COL5A3: variants seen among roughly 807,000 people sequenced by gnomAD.
COL5A3 encodes the protein collagen alpha-3(V) chain.
COL5A3 carries 172 observed loss-of-function variants against 250.0 expected under a neutral mutation model. The ratio of observed to expected loss-of-function variants is 0.69; its 90% CI spans 0.61 to 0.78. The LOEUF is 0.78. Ranked by LOEUF, COL5A3 falls within the 30% of genes least tolerant of loss-of-function variation. The pLI is 0.00. For synonymous variants in COL5A3, 937 were observed against 900.4 expected, an observed-to-expected ratio of 1.04 and a Z score of -0.73; for missense variants, 2,340 against 2,334.4, an observed-to-expected ratio of 1.00 and a Z score of -0.05.
chr19:10,001,462 T>A (rs934884941), intron 8 of COL5A3, 62 bp downstream of exon 8: 212 of 1,542,966 alleles, frequency 1.4e-4, no homozygotes, highest in Admixed American at 1.6e-4. Context: ...AAATAAATTT[T>A]AAAAAAATTT....
chr19:9,966,056 TC>T (rs1283511267), intron 64 of COL5A3, among the ~76,000 whole-genome samples: 4 of 152,124 alleles, frequency 2.6e-5, no homozygotes, highest in Admixed American at 2.0e-4. Context: ...GGTCTCGAAC[TC>T]CTGACCTCAA....
At chr19:9,978,671 TC>T in intron 40 of COL5A3, 44 bp from the exon 41 acceptor site, 2 of 1,350,892 alleles carry the variant, frequency 1.5e-6, no homozygotes, top group Non-Finnish European at 1.0e-6. Flanking sequence ...CCCAAAGGTG[TC>T]CCCAGGTCCT....
chr19:9,985,988 A>C (rs1310387828), intron 30 of COL5A3, 93 bp from the exon 31 acceptor site: 1 of 1,103,344 alleles, frequency 9.1e-7, no homozygotes, highest in Non-Finnish European at 1.4e-6. Context: ...GAATGGGCTA[A>C]TGGGATGGGA....
chr19:9,986,676 G>T, intron 28 of COL5A3, 38 bp downstream of exon 28: 1 of 1,613,586 alleles, frequency 6.2e-7, no homozygotes, highest in South Asian at 1.1e-5. Context: ...CCCATGATTG[G>T]GACTCCCTCT....
At position 9,996,481 on chromosome 19, in the gene COL5A3, TG is replaced by T; in HGVS notation, c.1373del (p.Pro458GlnfsTer20). 1 of 1,614,018 alleles carries T rather than the reference TG, an allele frequency of 6.2e-7. No individual in the cohort carries two copies. ...QFAGGSFKGP[P>X]VSFQQAQAQA... ...GAGCCTGGGCCTGCTGGAATGAGAC[TG>T]GGGGGCCTTTAAAGGAGCCGCCTGC... On this transcript the variant is annotated frameshift_variant, in exon 13 of 67. Transcript: ENST00000264828. LOFTEE classifies it high-confidence loss of function.
In COL5A3 at chr19:9,989,386, A is replaced by C; in HGVS notation, c.2047-20T>G. On this transcript the variant is annotated intron_variant, in intron 25 of 66. Transcript: ENST00000264828. ...GTGACCCTGGGGAAGAAACATTCTC[A>C]GTTGTCAGAGACCAAAACTTGCCAT... 1 of 1,614,088 alleles carries C rather than the reference A, an allele frequency of 6.2e-7. No individual in the cohort carries two copies. The highest frequency in any genetic ancestry group is 2.2e-5 in the East Asian group (1 of 44,878).
At chr19:10,010,091 C>A (rs973843168) in intron 1 of COL5A3, among the ~76,000 whole-genome samples, 1 of 152,058 alleles carries the variant, frequency 6.6e-6, no homozygotes, top group African/African-American at 2.4e-5. Flanking sequence ...CGCCAGAAAA[C>A]GCACTCACAC....
At chr19:9,960,991 C>G in intron 65 of COL5A3, 101 bp from the exon 66 acceptor site, 1 of 1,442,692 alleles carries the variant, frequency 6.9e-7, no homozygotes, top group Non-Finnish European at 9.4e-7. Context: ...CAAGCCACCC[C>G]CCCCATGTCA....
At position 9,970,741 on chromosome 19, in the gene COL5A3, C is replaced by T. The variant is rs919857206; in HGVS notation, c.3883-66G>A. On this transcript the variant is annotated intron_variant, in intron 53 of 66. Transcript: ENST00000264828. Reference sequence around the variant, plus strand: ...TTGTTTGAGCCTGACTGTTTTAGGACGCCTTGGACCAGAGGACACCCTTCC... The same window carrying T: ...TTGTTTGAGCCTGACTGTTTTAGGATGCCTTGGACCAGAGGACACCCTTCC... 2.5e-5 allele frequency: 32 copies of T among 1,296,422 alleles called. 1 individual carries two copies. The highest frequency in any genetic ancestry group is 5.8e-5 in the South Asian group (3 of 52,114). The allele number at this position is 1,296,422 out of a possible 1,614,324, so 80.3% of individuals were successfully genotyped here. A position where few individuals can be genotyped will look rare whatever the true frequency, so the allele number is the denominator to read the frequency against.
At position 9,964,854 on chromosome 19, in the gene COL5A3, TAAAAAAAAAAAAAAAAAAAAAAAAAAAA is replaced by T. The variant is rs57037583; in HGVS notation, c.4782+1432_4782+1459del. Among the ~76,000 whole-genome samples the T allele has an allele frequency of 4.7e-4, 23 of 49,010 alleles. 1 individual carries two copies. In the East Asian group the frequency reaches 5.2e-3, roughly 11 times the overall value. 32.2% of individuals were successfully genotyped at this position (49,010 alleles called of 152,430 possible). A position where few individuals can be genotyped will look rare whatever the true frequency, so the allele number is the denominator to read the frequency against. ...CAACGTAGTGAAACCCCATCTCTAC[TAAAAAAAAAAAAAAAAAAAAAAAAAAAA>T]AAAAAAAAAAAAAAAAATCAGCTGG... On this transcript the variant is annotated intron_variant, in intron 64 of 66. Coordinates refer to ENST00000264828, the MANE Select transcript of COL5A3 (RefSeq NM_015719.4).
At position 9,977,246 on chromosome 19, in the gene COL5A3, C is replaced by G. The variant is rs767650279; in HGVS notation, c.3271G>C (p.Gly1091Arg). 32 of 1,613,980 alleles carry G rather than the reference C, an allele frequency of 2.0e-5. No individual in the cohort carries two copies. The highest frequency in any genetic ancestry group is 1.9e-5 in the Non-Finnish European group (23 of 1,180,008). The part of the protein sequence containing the change: ...VGAPGHKGSK[G>R]DKGDAGPPGQ... ...TCACTCACCGCGTCTCCTTTATCGC[C>G]TTTACTCCCCTTGTGTCCGGGGGCA... Residue 1091 changes from glycine to arginine, a missense_variant, in exon 44 of 67, where the codon GGC becomes CGC. Physicochemically the swap from Gly to Arg is moderately radical, Grantham distance 125 (BLOSUM62 -2). Around this residue, in one of 3 missense-constraint regions of COL5A3, gnomAD observed 1,179 missense variants for 1,162.6 expected, o/e 1.01. Coordinates refer to ENST00000264828, the MANE Select transcript of COL5A3 (RefSeq NM_015719.4).
At chr19:10,000,284 C>A (rs946719322) in intron 8 of COL5A3, among the ~76,000 whole-genome samples, 1 of 151,922 alleles carries the variant, frequency 6.6e-6, no homozygotes, top group Non-Finnish European at 1.5e-5. Context: ...ACATCGAATG[C>A]GTATCCATCT....
chr19:10,007,456 A>G (rs1382741720), intron 1 of COL5A3, among the ~76,000 whole-genome samples: 1 of 152,224 alleles, frequency 6.6e-6, no homozygotes, highest in Non-Finnish European at 1.5e-5. Context: ...AGGCCATGCT[A>G]CCAGCCCCAC....
Position 9,996,485 on chromosome 19 carries a change from G to A in COL5A3, c.1370C>T (p.Pro457Leu), listed in dbSNP as rs2087274660. The change falls in exon 13 of 67, where the codon CCC (proline) becomes CTC (leucine). Residue 457 changes from proline (P) to leucine (L), a missense_variant. Pro to Leu is a moderately conservative substitution (Grantham distance 98). This residue lies in a region of COL5A3 where 1,152 missense variants were observed against 1,146.3 expected (regional missense o/e 1.00). Coordinates refer to ENST00000264828, the MANE Select transcript of COL5A3 (RefSeq NM_015719.4). ...CTGGGCCTGCTGGAATGAGACTGGG[G>A]GGCCTTTAAAGGAGCCGCCTGCAAA... ...FQFAGGSFKGPPVSFQQAQAQ... is the reference protein window; with the variant it reads ...FQFAGGSFKGLPVSFQQAQAQ... The A allele has an allele frequency of 6.2e-7, 1 of 1,614,112 alleles. No homozygotes were observed. Among genetic ancestry groups the A allele is most frequent in the Non-Finnish European group, 8.5e-7 (1 of 1,180,004 alleles).
chr19:9,965,179 G>A (rs1392281384), intron 64 of COL5A3, among the ~76,000 whole-genome samples: 1 of 137,622 alleles, frequency 7.3e-6, no homozygotes, highest in Non-Finnish European at 1.6e-5. Context: ...TTTTGAGATG[G>A]AGTCTCGCTC....
intron 45 of COL5A3, among the ~76,000 whole-genome samples, chr19:9,975,850 G>A (rs1004403741): frequency 5.3e-5 from 8 of 150,688 alleles, no homozygotes; most frequent in Admixed American, 3.3e-4. Flanking sequence ...AAATTCTAGG[G>A]TTGAGTTCAT....
intron 51 of COL5A3, among the ~76,000 whole-genome samples, chr19:9,971,556 T>TTCAC (rs2086847601): frequency 6.6e-6 from 1 of 152,022 alleles, no homozygotes; most frequent in South Asian, 2.1e-4. Context: ...TATTCATTCA[T>TTCAC]TCACTCATTC....
chr19:9,985,713 A>G, intron 31 of COL5A3, 129 bp downstream of exon 31: 1 of 834,932 alleles, frequency 1.2e-6, no homozygotes, highest in Non-Finnish European at 2.0e-6. Context: ...GCCAAAGCCC[A>G]CATTTTACAT....
chr19:9,968,023 C>G lies in COL5A3; in HGVS notation c.4368+3G>C. The G allele has an allele frequency of 6.3e-7, 1 of 1,591,622 alleles. No individual in the cohort carries two copies. The highest frequency in any genetic ancestry group is 8.5e-7 in the Non-Finnish European group (1 of 1,173,614). On this transcript the variant is annotated splice_donor_region_variant and intron_variant, in intron 60 of 66. Transcript: ENST00000264828. This position sits in a 1 kb window ranked among gnomAD's most constrained non-coding sequence, Gnocchi z 4.1. ...TCCCACAAAAGATTCCCTGCATACT[C>G]ACCGCCACACCTGGGGGCCCAGGGT...
Sources: gnomAD v4.1 joint callset for allele counts (sites outside exome capture counted in the v4.1 genomes callset) on GRCh38, gnomAD v4.1.1 for gene constraint, gnomAD v4.1.1 regional missense constraint, Gnocchi (gnomAD v3.1) non-coding constraint, MANE v1.5 for transcripts, NCBI Gene and HGNC (gene_info 2026-07-23, HGNC 2026-07-21) for gene names.